TSPAN9: variants seen among roughly 807,000 people sequenced by gnomAD.
TSPAN9 encodes tetraspanin 9.
Under a neutral mutation model 31.0 loss-of-function variants are expected in TSPAN9, and 16 were observed. The observed-to-expected ratio is 0.52, with a 90% CI of 0.35 to 0.78. TSPAN9 has a LOEUF of 0.78. Among genes scored for constraint, TSPAN9 ranks in the 30% least tolerant of loss-of-function variants. The pLI is 0.01. For missense variants in TSPAN9, 272 were observed against 312.5 expected, an observed-to-expected ratio of 0.87 and a Z score of 0.98; for synonymous variants, 145 against 121.6, an observed-to-expected ratio of 1.19 and a Z score of -1.27.
intron 3 of TSPAN9, among the ~76,000 whole-genome samples, chr12:3,249,674 G>A (rs1862210653): frequency 6.6e-6 from 1 of 152,306 alleles, no homozygotes; most frequent in East Asian, 1.9e-4. Flanking sequence ...CTGTCTTAGG[G>A]CTTCACATAT....
chr12:3,278,744 G>A (rs770837163), intron 4 of TSPAN9, 132 bp downstream of exon 4: 15 of 1,290,782 alleles, frequency 1.2e-5, no homozygotes, highest in Middle Eastern at 2.1e-4. Context: ...CTTCTAGAAC[G>A]TTCTAGGCTT....
intron 2 of TSPAN9, chr12:3,171,601 C>G (rs2098351880): frequency 6.6e-6 from 1 of 152,212 alleles, no homozygotes; most frequent in Non-Finnish European, 1.5e-5. Context: ...ATACTTCTAA[C>G]CCCCTTTACC....
chr12:3,200,916 C>T (rs902685877), intron 2 of TSPAN9: 1 of 384,036 alleles, frequency 2.6e-6, no homozygotes. Flanking sequence ...GGGAACGCCG[C>T]GAGCATGGAG....
At chr12:3,180,553 G>A (rs1243948172) in intron 2 of TSPAN9, among the ~76,000 whole-genome samples, 1 of 152,116 alleles carries the variant, frequency 6.6e-6, no homozygotes, top group Non-Finnish European at 1.5e-5. Context: ...CCTGCAGTTT[G>A]AAAAGCATGG....
At chr12:3,119,497 A>C (rs1463010476) in intron 2 of TSPAN9, among the ~76,000 whole-genome samples, 1 of 152,108 alleles carries the variant, frequency 6.6e-6, no homozygotes, top group East Asian at 1.9e-4. Context: ...TCCGTTGTGA[A>C]ATGCCCTTGC....
intron 3 of TSPAN9, among the ~76,000 whole-genome samples, chr12:3,258,497 T>C (rs562699972): frequency 1.3e-5 from 2 of 152,288 alleles, no homozygotes; most frequent in South Asian, 4.1e-4. Context: ...CTTGCTGTCT[T>C]CTGGCAGCAA....
rs1277610772 is a variant in TSPAN9, at chr12:3,187,409, A to C, written c.-17-13768A>C. ...TTGTGCAGGTGGCATGGGTACGTGT[A>C]TGTCCAGGAGTGGCCAGCTTCGTCC... On this transcript the variant is annotated intron_variant, in intron 2 of 8. Coordinates refer to ENST00000011898, the MANE Select transcript of TSPAN9 (RefSeq NM_006675.5). The surrounding 1 kb of genome is among the most constrained non-coding windows in gnomAD (Gnocchi z 5.2). Among the ~76,000 whole-genome samples the C allele has an allele frequency of 6.6e-6, 1 of 152,130 alleles. No homozygotes were observed. Among genetic ancestry groups the C allele is most frequent in the Non-Finnish European group, 1.5e-5 (1 of 68,044 alleles).
intron 3 of TSPAN9, among the ~76,000 whole-genome samples, chr12:3,245,257 C>G (rs1022951274): frequency 6.6e-6 from 1 of 152,198 alleles, no homozygotes; most frequent in African/African-American, 2.4e-5. Context: ...TGGAGCAGCC[C>G]TGGAAGGTGC....
intron 3 of TSPAN9, among the ~76,000 whole-genome samples, chr12:3,275,535 C>G (rs973339514): frequency 6.6e-6 from 1 of 152,272 alleles, no homozygotes; most frequent in East Asian, 1.9e-4. Flanking sequence ...TAGAAACTGA[C>G]CAGATTGAAG....
At chr12:3,193,623 G>A (rs1429246650) in intron 2 of TSPAN9, among the ~76,000 whole-genome samples, 1 of 152,182 alleles carries the variant, frequency 6.6e-6, no homozygotes, top group Admixed American at 6.5e-5. Context: ...GCTTTGAGAG[G>A]TGACACGCAA....
At chr12:3,269,915 C>T (rs986315177) in intron 3 of TSPAN9, among the ~76,000 whole-genome samples, 5 of 152,256 alleles carry the variant, frequency 3.3e-5, no homozygotes, top group Admixed American at 3.3e-4. Flanking sequence ...CCCGCGTGCA[C>T]AGCCTGTCCT....
intron 3 of TSPAN9, among the ~76,000 whole-genome samples, chr12:3,276,716 A>C (rs2153980613): frequency 6.6e-6 from 1 of 152,306 alleles, no homozygotes; most frequent in Admixed American, 6.5e-5. Flanking sequence ...ACATAAGGTC[A>C]GTGTCTCCTG....
At chr12:3,092,548 T>C (rs556604149) in intron 2 of TSPAN9, among the ~76,000 whole-genome samples, 8 of 152,046 alleles carry the variant, frequency 5.3e-5, no homozygotes, top group Non-Finnish European at 8.8e-5. Flanking sequence ...GCAAGACAAG[T>C]AGGAAGGGAT....
At chr12:3,125,324 CT>C (rs968363444) in intron 2 of TSPAN9, among the ~76,000 whole-genome samples, 3 of 152,010 alleles carry the variant, frequency 2.0e-5, no homozygotes, top group Non-Finnish European at 4.4e-5. Context: ...TTGCTGCGTG[CT>C]CAGCACAGCA....
At chr12:3,145,532 T>C (rs1368492816) in intron 2 of TSPAN9, among the ~76,000 whole-genome samples, 1 of 152,080 alleles carries the variant, frequency 6.6e-6, no homozygotes, top group Admixed American at 6.5e-5. Context: ...GGCAGAAGAC[T>C]CAAGTGCATA....
intron 3 of TSPAN9, among the ~76,000 whole-genome samples, chr12:3,251,270 A>G (rs1049440819): frequency 2.0e-5 from 3 of 152,098 alleles, no homozygotes; most frequent in African/African-American, 7.2e-5. Flanking sequence ...TGTGTGCCGC[A>G]GGCTGTTCAC....
chr12:3,126,016 C>G (rs1195340881), intron 2 of TSPAN9, among the ~76,000 whole-genome samples: 1 of 152,174 alleles, frequency 6.6e-6, no homozygotes, highest in Admixed American at 6.5e-5. Flanking sequence ...GTTCAAGTGT[C>G]TAGTGAAAAT....
At chr12:3,197,731 C>T (rs1363050719) in intron 2 of TSPAN9, among the ~76,000 whole-genome samples, 12 of 114,430 alleles carry the variant, frequency 1.0e-4, no homozygotes, top group East Asian at 2.7e-4. Context: ...CAGGTCACCA[C>T]CAGCACAGGC....
intron 3 of TSPAN9, among the ~76,000 whole-genome samples, chr12:3,252,124 G>GC (rs575199833): frequency 2.8e-4 from 42 of 152,186 alleles, no homozygotes; most frequent in African/African-American, 9.1e-4. Context: ...ACCATGGAGC[G>GC]CCCCCCGCAC....
Sources: allele counts gnomAD v4.1 joint callset (sites outside exome capture counted in the v4.1 genomes callset), GRCh38; gene constraint gnomAD v4.1.1; non-coding constraint Gnocchi (gnomAD v3.1); transcripts MANE v1.5; gene names NCBI Gene and HGNC (gene_info 2026-07-23, HGNC 2026-07-21).